BAZ2B: variants seen among roughly 807,000 people sequenced by gnomAD.
BAZ2B encodes bromodomain adjacent to zinc finger domain 2B, also known as bromodomain adjacent to zinc finger domain protein 2B.
In BAZ2B, 91 loss-of-function variants were observed where a neutral mutation model predicts 246.0. The ratio of observed to expected loss-of-function variants is 0.37; its 90% CI spans 0.31 to 0.44. BAZ2B has a LOEUF of 0.44. Ranked by LOEUF, BAZ2B falls within the 20% of genes least tolerant of loss-of-function variation. BAZ2B has a pLI of 1.00. For synonymous variants in BAZ2B, 855 were observed against 860.0 expected (o/e 0.99, Z 0.10); for missense variants, 2,332 against 2,533.7 (o/e 0.92, Z 1.71).
chr2:159,471,637 G>C (rs1459578476), intron 3 of BAZ2B, among the ~76,000 whole-genome samples: 1 of 152,006 alleles, frequency 6.6e-6, no homozygotes, highest in Non-Finnish European at 1.5e-5. Flanking sequence ...CTTTTTTTAG[G>C]ATGGGTGATA....
In BAZ2B at chr2:159,432,828, T is replaced by A. The variant is rs746824652; in HGVS notation, c.1829A>T (p.Asp610Val). The change falls in exon 9 of 37, where the codon GAT becomes GTT. Residue 610 changes from aspartate (D) to valine (V), a missense_variant. Around this residue, in one of 9 missense-constraint regions of BAZ2B, gnomAD observed 651 missense variants for 650.9 expected, o/e 1.00. Coordinates refer to ENST00000392783, the MANE Select transcript of BAZ2B (RefSeq NM_013450.4). Reference sequence around the variant, plus strand: ...TTCTTCTTCATCATCTTCCTCTTCATCCTCATTTGAATCTTCAGAATCTTT... The same window carrying A: ...TTCTTCTTCATCATCTTCCTCTTCAACCTCATTTGAATCTTCAGAATCTTT... ...SSKDSEDSNE[D>V]EEEDDEEEDE... 1.2e-6 allele frequency: 2 copies of A among 1,614,022 alleles called. No individual in the cohort carries two copies. Among genetic ancestry groups the A allele is most frequent in the African/African-American group, 1.3e-5 (1 of 74,930 alleles).
intron 2 of BAZ2B, among the ~76,000 whole-genome samples, chr2:159,546,374 C>T (rs1187394493): frequency 6.6e-6 from 1 of 151,538 alleles, no homozygotes; most frequent in East Asian, 1.9e-4. Context: ...GTGACTCCTT[C>T]ACCATGATTC....
At chr2:159,424,685 C>T (rs1158510504) in intron 13 of BAZ2B, among the ~76,000 whole-genome samples, 1 of 152,076 alleles carries the variant, frequency 6.6e-6, no homozygotes, top group Non-Finnish European at 1.5e-5. Context: ...GTATCCAGGA[C>T]CTCCCTCTAT....
chr2:159,339,756 T>C (rs1332297193), intron 31 of BAZ2B, among the ~76,000 whole-genome samples: 1 of 152,186 alleles, frequency 6.6e-6, no homozygotes, highest in East Asian at 1.9e-4. Context: ...AATGAAATCC[T>C]GTTATTTGCA....
At chr2:159,352,827 A>G (rs1286443892) in intron 27 of BAZ2B, among the ~76,000 whole-genome samples, 1 of 152,092 alleles carries the variant, frequency 6.6e-6, no homozygotes, top group Admixed American at 6.6e-5. Context: ...AATGCTTAGC[A>G]TGGTGGCCAC....
chr2:159,636,402 C>T, the BAZ2B span, among the ~76,000 whole-genome samples: 1 of 152,216 alleles, frequency 6.6e-6, no homozygotes, highest in African/African-American at 2.4e-5. Flanking sequence ...TTATACTGAA[C>T]TCAGTGATGC....
chr2:159,624,180 A>T, the BAZ2B span, among the ~76,000 whole-genome samples: 2 of 152,222 alleles, frequency 1.3e-5, no homozygotes, highest in African/African-American at 4.8e-5. Flanking sequence ...TCTGAAAAGA[A>T]GGCAGCAGCC....
intron 27 of BAZ2B, among the ~76,000 whole-genome samples, chr2:159,363,713 T>G (rs1329254350): frequency 1.3e-5 from 2 of 152,224 alleles, no homozygotes; most frequent in Admixed American, 6.5e-5. Flanking sequence ...AGAGACGGCC[T>G]AATTCTTGAG....
At chr2:159,316,838 T>G (rs1379376154), downstream of BAZ2B, among the ~76,000 whole-genome samples, 1 of 151,350 alleles carries the variant, frequency 6.6e-6, no homozygotes, top group Non-Finnish European at 1.5e-5. Context: ...CCATCTCTAC[T>G]GAAAATACAG....
chr2:159,445,281 T>C (rs2074067259), intron 6 of BAZ2B, among the ~76,000 whole-genome samples: 1 of 152,102 alleles, frequency 6.6e-6, no homozygotes, highest in Admixed American at 6.6e-5. Context: ...ACATAAAGAA[T>C]TATTGATTAA....
chr2:159,543,462 T>A (rs1445801815), intron 2 of BAZ2B, among the ~76,000 whole-genome samples: 1 of 152,130 alleles, frequency 6.6e-6, no homozygotes, highest in African/African-American at 2.4e-5. Flanking sequence ...CTTATCCTTT[T>A]GTGGTATGGA....
chr2:159,347,430 A>G (rs2068063211), intron 31 of BAZ2B, 56 bp downstream of exon 31: 1 of 1,534,572 alleles, frequency 6.5e-7, no homozygotes, highest in African/African-American at 1.4e-5. Context: ...GCAAGTAATA[A>G]ACATTAGTTA....
chr2:159,594,794 G>A (rs1344591609), intron 1 of BAZ2B, among the ~76,000 whole-genome samples: 1 of 152,104 alleles, frequency 6.6e-6, no homozygotes. Context: ...AACATACCCA[G>A]TGAATTTTTT....
chr2:159,519,084 T>G (rs1334222017), intron 2 of BAZ2B, among the ~76,000 whole-genome samples: 1 of 152,010 alleles, frequency 6.6e-6, no homozygotes, highest in Admixed American at 6.6e-5. Context: ...TAAGGAAAGA[T>G]TCCCCAAAAT....
At chr2:159,497,265 A>G (rs1386465337) in intron 2 of BAZ2B, among the ~76,000 whole-genome samples, 1 of 152,218 alleles carries the variant, frequency 6.6e-6, no homozygotes, top group Non-Finnish European at 1.5e-5. Flanking sequence ...ACCAGGAAGA[A>G]AAAAGATCTT....
At chr2:159,347,768 T>C in intron 30 of BAZ2B, 122 bp from the exon 31 acceptor site, 2 of 779,254 alleles carry the variant, frequency 2.6e-6, no homozygotes, top group Non-Finnish European at 4.0e-6. Context: ...CATACACAAA[T>C]GCACTTGTGT....
At chr2:159,427,855 T>A in intron 13 of BAZ2B, 86 bp downstream of exon 13, 1 of 1,057,020 alleles carries the variant, frequency 9.5e-7, no homozygotes, top group Admixed American at 2.1e-5. Context: ...AGAAAGGCAA[T>A]GCTCCAGAGT....
chr2:159,586,316 A>T (rs1273959383), intron 1 of BAZ2B, among the ~76,000 whole-genome samples: 5 of 152,152 alleles, frequency 3.3e-5, no homozygotes, highest in African/African-American at 1.2e-4. Context: ...TTGTGACCCA[A>T]ACAGTTTTGT....
intron 1 of BAZ2B, among the ~76,000 whole-genome samples, chr2:159,601,105 G>C (rs192216439): frequency 9.9e-4 from 151 of 152,248 alleles, no homozygotes; most frequent in African/African-American, 3.6e-3. Context: ...AAGAGACTCA[G>C]AGAAAAAGTT....
Sources: allele counts gnomAD v4.1 joint callset (sites outside exome capture counted in the v4.1 genomes callset), GRCh38; gene constraint gnomAD v4.1.1; regional missense constraint gnomAD v4.1.1; transcripts MANE v1.5; gene names NCBI Gene and HGNC (gene_info 2026-07-23, HGNC 2026-07-21).